The following NAALADL2 variants were observed in gnomAD, a reference collection of about 807,000 sequenced individuals.
NAALADL2 encodes the protein inactive N-acetylated-alpha-linked acidic dipeptidase-like protein 2.
Under a neutral mutation model 87.2 loss-of-function variants are expected in NAALADL2, and 76 were observed. That is an observed-to-expected ratio of 0.87 (90% CI 0.72 to 1.05). NAALADL2 has a LOEUF of 1.05. Among genes scored for constraint, NAALADL2 ranks in the 50% least tolerant of loss-of-function variants. The pLI, the probability that NAALADL2 is intolerant of heterozygous loss-of-function variation, is 0.00. For synonymous variants in NAALADL2, 354 were observed against 331.0 expected (o/e 1.07, Z -0.75); for missense variants, 1,089 against 945.8 (o/e 1.15, Z -1.99).
chr3:175,095,307 G>T (rs1447208951), intron 1 of NAALADL2, among the ~76,000 whole-genome samples: 2 of 151,816 alleles, frequency 1.3e-5, no homozygotes, highest in African/African-American at 4.8e-5. Flanking sequence ...CTGACACTTT[G>T]CATATTTTAT....
At chr3:174,989,565 T>G (rs866841684) in intron 1 of NAALADL2, among the ~76,000 whole-genome samples, 6 of 152,118 alleles carry the variant, frequency 3.9e-5, no homozygotes, top group African/African-American at 1.2e-4. Context: ...TAGGGACAAA[T>G]TTTAGTAGGA....
intron 4 of NAALADL2, among the ~76,000 whole-genome samples, chr3:175,299,061 GTCAAAGA>G (rs1756713842): frequency 6.6e-6 from 1 of 152,194 alleles, no homozygotes; most frequent in African/African-American, 2.4e-5. Flanking sequence ...CTACAGGTTT[GTCAAAGA>G]TCAAATGGTT....
Position 175,689,262 on chromosome 3 carries a change from A to G in NAALADL2, c.1897-48044A>G, listed in dbSNP as rs1736722030. On this transcript the variant is annotated intron_variant, in intron 11 of 13. Coordinates refer to ENST00000454872, the MANE Select transcript of NAALADL2 (RefSeq NM_207015.3). Reference sequence around the variant, plus strand: ...ACTTAAAATCCCCAAGATAGAAAATATCTTCTCAGGAATCATTTTAAAATG... The same window carrying G: ...ACTTAAAATCCCCAAGATAGAAAATGTCTTCTCAGGAATCATTTTAAAATG... 2.0e-5 allele frequency among the ~76,000 whole-genome samples: 3 copies of G among 152,204 alleles called. No individual in the cohort carries two copies. The South Asian group carries it at 6.2e-4, about 31-fold the overall frequency.
intron 2 of NAALADL2, among the ~76,000 whole-genome samples, chr3:175,187,515 CTT>C (rs1313977311): frequency 6.6e-6 from 1 of 152,092 alleles, no homozygotes; most frequent in East Asian, 1.9e-4. Flanking sequence ...TCCCGCAAGT[CTT>C]TAATTATGGC....
At position 174,981,723 on chromosome 3, in the gene NAALADL2, A is replaced by G. The variant is rs556354139; in HGVS notation, c.44-115067A>G. On this transcript the variant is annotated intron_variant, in intron 1 of 13. Coordinates refer to ENST00000454872, the MANE Select transcript of NAALADL2 (RefSeq NM_207015.3). The stretch of plus-strand genomic sequence containing the variant: ...TTAAAATATTTTTTTTCTTATCTGT[A>G]AAAAGTTCTGAAATTAGGCAGTACA... Among the ~76,000 whole-genome samples the G allele has an allele frequency of 6.6e-5, 10 of 152,258 alleles. No homozygotes were observed. In the South Asian group the frequency reaches 1.9e-3, roughly 28 times the overall value.
chr3:174,998,421 C>T (rs996829803), intron 1 of NAALADL2, among the ~76,000 whole-genome samples: 2 of 152,098 alleles, frequency 1.3e-5, no homozygotes, highest in African/African-American at 2.4e-5. Context: ...AACTCAAGTT[C>T]GAGAAGAGAA....
At chr3:174,841,169 A>G (rs1200730816) in intron 3 of NAALADL2, among the ~76,000 whole-genome samples, 1 of 152,202 alleles carries the variant, frequency 6.6e-6, no homozygotes, top group Non-Finnish European at 1.5e-5. Flanking sequence ...CAGATTCTCT[A>G]CAGTTAATTT....
At chr3:175,123,436 G>T (rs1002321754) in intron 2 of NAALADL2, among the ~76,000 whole-genome samples, 1 of 151,846 alleles carries the variant, frequency 6.6e-6, no homozygotes, top group African/African-American at 2.4e-5. Flanking sequence ...TAGTGCTTGG[G>T]TGCTATGCCC....
chr3:175,173,809 T>C (rs1735249853), intron 2 of NAALADL2, among the ~76,000 whole-genome samples: 1 of 152,246 alleles, frequency 6.6e-6, no homozygotes, highest in Non-Finnish European at 1.5e-5. Flanking sequence ...GCATAGTTTG[T>C]TGCATTCAGT....
At chr3:175,499,489 T>G (rs1049794519) in intron 9 of NAALADL2, among the ~76,000 whole-genome samples, 1 of 151,956 alleles carries the variant, frequency 6.6e-6, no homozygotes, top group Non-Finnish European at 1.5e-5. Flanking sequence ...CTAAGGAATT[T>G]TTTTTTTCTG....
At chr3:174,667,545 G>GTTTTTTTTTT (rs71162402) in intron 2 of NAALADL2, among the ~76,000 whole-genome samples, 8 of 123,756 alleles carry the variant, frequency 6.5e-5, no homozygotes, top group East Asian at 5.1e-4. Context: ...ATGGGAGAGA[G>GTTTTTTTTTT]TTTTTTTTTT....
intron 5 of NAALADL2, among the ~76,000 whole-genome samples, chr3:175,345,669 T>G (rs569780855): frequency 5.1e-4 from 77 of 152,220 alleles, no homozygotes; most frequent in Admixed American, 5.0e-3. Flanking sequence ...GGAGAAATGG[T>G]AGCATGGTCT....
chr3:175,156,024 CAGA>C (rs750762739), intron 2 of NAALADL2, among the ~76,000 whole-genome samples: 2 of 152,212 alleles, frequency 1.3e-5, no homozygotes, highest in Non-Finnish European at 2.9e-5. Flanking sequence ...TATATTCTTA[CAGA>C]AGAAGTTTAA....
At chr3:174,821,484 A>G (rs767979269) in intron 3 of NAALADL2, among the ~76,000 whole-genome samples, 1 of 152,150 alleles carries the variant, frequency 6.6e-6, no homozygotes, top group Non-Finnish European at 1.5e-5. Flanking sequence ...TTTATTATAT[A>G]TATTGTTTTA....
chr3:175,148,119 ATAATAAAAT>A (rs1336978892), intron 2 of NAALADL2, among the ~76,000 whole-genome samples: 2 of 147,360 alleles, frequency 1.4e-5, no homozygotes, highest in African/African-American at 4.9e-5. Context: ...AATAATAATA[ATAATAAAAT>A]AATAATAATA....
intron 11 of NAALADL2, among the ~76,000 whole-genome samples, chr3:175,656,419 C>A (rs1195622119): frequency 2.6e-5 from 4 of 152,050 alleles, no homozygotes; most frequent in East Asian, 1.9e-4. Flanking sequence ...ATGCTTTGAA[C>A]CTTCTGAGGA....
intron 2 of NAALADL2, among the ~76,000 whole-genome samples, chr3:175,117,595 T>C (rs1480962282): frequency 6.7e-6 from 1 of 149,744 alleles, no homozygotes; most frequent in Non-Finnish European, 1.5e-5. Context: ...AGAATGGCGA[T>C]CATTAAAAAG....
At chr3:175,417,130 A>AG (rs1032156699) in intron 5 of NAALADL2, among the ~76,000 whole-genome samples, 2 of 150,680 alleles carry the variant, frequency 1.3e-5, no homozygotes, top group Admixed American at 1.3e-4. Context: ...AAAAAAAAAA[A>AG]AAAGTCCAGC....
chr3:175,320,986 T>C (rs1448031552), intron 4 of NAALADL2, among the ~76,000 whole-genome samples: 2 of 151,632 alleles, frequency 1.3e-5, no homozygotes, highest in Non-Finnish European at 2.9e-5. Context: ...ACTCATTTTA[T>C]GAGGCCAGCA....
Sources: gnomAD v4.1 joint callset for allele counts (sites outside exome capture counted in the v4.1 genomes callset) on GRCh38, gnomAD v4.1.1 for gene constraint, MANE v1.5 for transcripts, NCBI Gene and HGNC (gene_info 2026-07-23, HGNC 2026-07-21) for gene names.